The following HK2 variants were observed in gnomAD, a reference collection of about 807,000 sequenced individuals.
HK2 encodes the protein hexokinase 2.
A neutral mutation model predicts 92.9 loss-of-function variants in HK2; 42 were observed. The observed-to-expected ratio is 0.45, with a 90% CI of 0.35 to 0.58. The LOEUF is 0.58. Among genes scored for constraint, HK2 ranks in the 20% least tolerant of loss-of-function variants. The pLI, the probability that HK2 is intolerant of heterozygous loss-of-function variation, is 0.00. For missense variants in HK2, 978 were observed against 1,245.1 expected (o/e 0.79, Z 3.23); for synonymous variants, 422 against 468.0 (o/e 0.90, Z 1.27).
At chr2:74,836,418 T>C (rs1247290424) in intron 1 of HK2, among the ~76,000 whole-genome samples, 1 of 152,238 alleles carries the variant, frequency 6.6e-6, no homozygotes, top group Admixed American at 6.5e-5. Flanking sequence ...CTCTGTCTTG[T>C]GGTTTATTAA....
rs765773801 is a variant in HK2 at position 74,888,012 on chromosome 2, A to G, written c.2329A>G (p.Lys777Glu). 4 of 1,614,224 alleles carry G rather than the reference A, an allele frequency of 2.5e-6. No individual in the cohort carries two copies. The highest frequency in any genetic ancestry group is 2.5e-6 in the Non-Finnish European group (3 of 1,180,034). ...CCGAGGCCGCATCTCAGAGCGGCTCAAGACAAGGGGCATCTTTGAAACCAA... is the reference window on the plus strand; with the variant it reads ...CCGAGGCCGCATCTCAGAGCGGCTCGAGACAAGGGGCATCTTTGAAACCAA... Reference protein sequence around the residue: ...LFRGRISERLKTRGIFETKFL... With the variant: ...LFRGRISERLETRGIFETKFL... The change falls in exon 16 of 18, where the codon AAG becomes GAG. Residue 777 changes from lysine (K) to glutamate (E), a missense_variant. Lys to Glu is a moderately conservative substitution (Grantham distance 56). Transcript: ENST00000290573.
chr2:74,878,417 G>A (rs1446807281), intron 8 of HK2, among the ~76,000 whole-genome samples: 1 of 39,984 alleles, frequency 2.5e-5, no homozygotes. Context: ...GTGTCTCTGT[G>A]TGTGTGTGTG....
chr2:74,884,162 C>T (rs1228082672), intron 12 of HK2, among the ~76,000 whole-genome samples: 1 of 152,192 alleles, frequency 6.6e-6, no homozygotes, highest in Non-Finnish European at 1.5e-5. Flanking sequence ...TTAACTGTTT[C>T]TGTCTGAATT....
chr2:74,886,365 C>A lies in HK2; in HGVS notation c.2007C>A (p.Asp669Glu), dbSNP rs1171706119. Residue 669 changes from aspartate (D) to glutamate (E), a missense_variant, in exon 14 of 18, where the codon GAC becomes GAA. Around this residue, in one of 3 missense-constraint regions of HK2, gnomAD observed 742 missense variants for 922.5 expected, o/e 0.80. Transcript: ENST00000290573. Reference sequence around the variant, plus strand: ...CTATGATGACCTGTGGCTTTGAAGACCCTCACTGTGAAGTTGGCCTCATTG... The same window carrying A: ...CTATGATGACCTGTGGCTTTGAAGAACCTCACTGTGAAGTTGGCCTCATTG... ...VGTMMTCGFE[D>E]PHCEVGLIVG... The A allele has an allele frequency of 2.5e-6, 4 of 1,614,128 alleles. No individual in the cohort carries two copies. Among genetic ancestry groups the A allele is most frequent in the East Asian group, 2.2e-5 (1 of 44,880 alleles).
At chr2:74,851,367 A>ATG (rs1688562909) in intron 1 of HK2, among the ~76,000 whole-genome samples, 1 of 152,228 alleles carries the variant, frequency 6.6e-6, no homozygotes, top group African/African-American at 2.4e-5. Flanking sequence ...TCTGTCATTG[A>ATG]ACATGTGGAA....
chr2:74,881,911 G>A (rs753156707), intron 11 of HK2, 52 bp downstream of exon 11: 4 of 1,596,430 alleles, frequency 2.5e-6, no homozygotes, highest in Admixed American at 1.7e-5. Flanking sequence ...GTCACCTCTT[G>A]CCTTCGAGGA....
Position 74,893,212 on chromosome 2 carries a change from G to A in HK2, c.*2271G>A, listed in dbSNP as rs760942005. ...GTAAATACAGTGGATCTCAATCTTCGGGGTGTGATGAATAGCGAATCATCT... is the reference window on the plus strand; with the variant it reads ...GTAAATACAGTGGATCTCAATCTTCAGGGTGTGATGAATAGCGAATCATCT... On this transcript the variant is annotated 3_prime_UTR_variant, in exon 18 of 18. Transcript: ENST00000290573. 5.9e-5 allele frequency: 9 copies of A among 152,006 alleles called. No homozygotes were observed. Among genetic ancestry groups the A allele is most frequent in the Admixed American group, 2.0e-4 (3 of 15,268 alleles). The allele number at this position is 152,006 out of a possible 1,614,324, so 9.4% of individuals were successfully genotyped here. A position where few individuals can be genotyped will look rare whatever the true frequency, so the allele number is the denominator to read the frequency against.
At chr2:74,868,062 G>C (rs1307848252) in intron 3 of HK2, among the ~76,000 whole-genome samples, 6 of 152,164 alleles carry the variant, frequency 3.9e-5, no homozygotes, top group African/African-American at 1.4e-4. Context: ...CGGGCCTCAG[G>C]GCTTGGAAGA....
At chr2:74,836,458 C>T (rs1688168046) in intron 1 of HK2, among the ~76,000 whole-genome samples, 1 of 152,190 alleles carries the variant, frequency 6.6e-6, no homozygotes, top group Non-Finnish European at 1.5e-5. Flanking sequence ...TTTGGACAGC[C>T]CGTTTCTCTT....
chr2:74,861,978 A>G (rs574370019), intron 2 of HK2, among the ~76,000 whole-genome samples: 1 of 152,332 alleles, frequency 6.6e-6, no homozygotes, highest in Admixed American at 6.5e-5. Flanking sequence ...ACAGGTAAGT[A>G]TACCTCCATC....
intron 3 of HK2, among the ~76,000 whole-genome samples, chr2:74,868,450 C>T (rs1219316349): frequency 6.6e-6 from 1 of 152,088 alleles, no homozygotes. Flanking sequence ...AGTGATAGAC[C>T]TCAGTTTATT....
At chr2:74,884,544 G>C (rs1689475499) in intron 12 of HK2, among the ~76,000 whole-genome samples, 1 of 152,218 alleles carries the variant, frequency 6.6e-6, no homozygotes, top group South Asian at 2.1e-4. Flanking sequence ...CCAGCTCTCT[G>C]AGGGTATGTG....
At chr2:74,869,733 C>T (rs1395867747) in intron 3 of HK2, among the ~76,000 whole-genome samples, 1 of 152,186 alleles carries the variant, frequency 6.6e-6, no homozygotes, top group East Asian at 1.9e-4. Context: ...CGTGTTAGCT[C>T]TTTCTCTGCA....
intron 7 of HK2, among the ~76,000 whole-genome samples, chr2:74,875,486 G>A (rs1239936581): frequency 5.3e-5 from 8 of 151,932 alleles, no homozygotes; most frequent in African/African-American, 1.9e-4. Context: ...CTGCCACCAC[G>A]CCCAGCTAAT....
At position 74,877,332 on chromosome 2, in the gene HK2, G is replaced by A. The variant is rs537840475; in HGVS notation, c.1031+11G>A. 3.2e-5 allele frequency: 52 copies of A among 1,613,960 alleles called. No individual in the cohort carries two copies. In the South Asian group the frequency reaches 5.4e-4, roughly 17 times the overall value. ...CTCAGACATTGAAGGGTGAGCTTCT[G>A]GCCAGCCCCCTCTATTTGCTGGATC... On this transcript the variant is annotated intron_variant, in intron 8 of 17. Transcript: ENST00000290573.
chr2:74,890,149 G>C (rs912285505), intron 17 of HK2, among the ~76,000 whole-genome samples: 1 of 152,282 alleles, frequency 6.6e-6, no homozygotes, highest in African/African-American at 2.4e-5. Flanking sequence ...AGGATTGGGA[G>C]GGGGCAGAAG....
At chr2:74,872,615 C>T (rs1689123239) in intron 4 of HK2, among the ~76,000 whole-genome samples, 196 bp downstream of exon 4, 1 of 152,004 alleles carries the variant, frequency 6.6e-6, no homozygotes, top group Non-Finnish European at 1.5e-5. Context: ...TGCCCTTTAT[C>T]ACCCTCTCTC....
chr2:74,882,369 G>T lies in HK2; in HGVS notation c.1839+130G>T, dbSNP rs889663459. ...GAGGGCGTGAGTTACCAGTAGTGGG[G>T]AGGGGCTCCTTGATGGGAATGAGTA... is the stretch of plus-strand genomic sequence containing the variant. On this transcript the variant is annotated intron_variant, in intron 12 of 17. Transcript: ENST00000290573. 1.4e-4 allele frequency: 195 copies of T among 1,375,818 alleles called. 1 individual carries two copies. The highest frequency in any genetic ancestry group is 1.0e-5 in the Non-Finnish European group (10 of 974,218). 85.2% of individuals were successfully genotyped at this position (1,375,818 alleles called of 1,614,324 possible). A position where few individuals can be genotyped will look rare whatever the true frequency, so the allele number is the denominator to read the frequency against.
At chr2:74,883,807 G>T (rs1054216220) in intron 12 of HK2, among the ~76,000 whole-genome samples, 4 of 152,070 alleles carry the variant, frequency 2.6e-5, no homozygotes, top group African/African-American at 4.8e-5. Context: ...TTATAACAAA[G>T]ATATTAGAAA....
Sources: gnomAD v4.1 joint callset for allele counts (sites outside exome capture counted in the v4.1 genomes callset) on GRCh38, gnomAD v4.1.1 for gene constraint, gnomAD v4.1.1 regional missense constraint, MANE v1.5 for transcripts, NCBI Gene and HGNC (gene_info 2026-07-23, HGNC 2026-07-21) for gene names.